The following LRRC34 variants were observed in gnomAD, a reference collection of about 807,000 sequenced individuals.
LRRC34 encodes leucine rich repeat containing 34, also known as leucine-rich repeat-containing protein 34.
LRRC34 carries 44 observed loss-of-function variants against 48.5 expected under a neutral mutation model. That is an observed-to-expected ratio of 0.91 (90% CI 0.71 to 1.17). LRRC34 has a LOEUF of 1.17. LRRC34 is among the 50% of genes most tolerant of loss of function. The probability of loss-of-function intolerance (pLI) is 0.00; values close to 1 mark genes in which losing one functional copy is unlikely to be tolerated. For synonymous variants in LRRC34, 192 were observed against 197.6 expected, an observed-to-expected ratio of 0.97 and a Z score of 0.24; for missense variants, 502 against 563.0, an observed-to-expected ratio of 0.89 and a Z score of 1.10.
Position 169,807,486 on chromosome 3 carries a change from CA to C in LRRC34, c.383del (p.Leu128TrpfsTer29), listed in dbSNP as rs1173854298. 4 of 1,613,834 alleles carry C rather than the reference CA, an allele frequency of 2.5e-6. No individual in the cohort carries two copies. In the South Asian group the frequency reaches 4.4e-5, roughly 18 times the overall value. ...CACATAGAAGGTTATATCCAACATC[CA>C]AACCTGAAGCACAGATGAATAGAAG... ...ILKNCLYING[L>X]DVGYNLLCDV... On this transcript the variant is annotated frameshift_variant, in exon 4 of 11. Transcript: ENST00000446859. LOFTEE classifies it high-confidence loss of function.
At chr3:169,811,967 G>T (rs1426611252) in intron 1 of LRRC34, among the ~76,000 whole-genome samples, 1 of 152,112 alleles carries the variant, frequency 6.6e-6, no homozygotes, top group East Asian at 1.9e-4. Flanking sequence ...CATGGGCGCA[G>T]AAATATTTAA....
chr3:169,804,820 C>G (rs1334216290), intron 5 of LRRC34, among the ~76,000 whole-genome samples: 1 of 152,152 alleles, frequency 6.6e-6, no homozygotes, highest in Admixed American at 6.5e-5. Context: ...TAACATAAAA[C>G]TGACCATTTT....
At position 169,812,416 on chromosome 3, in the gene LRRC34, G is replaced by A. The variant is rs1222019272; in HGVS notation, c.133C>T (p.Gln45Ter). The A allele has an allele frequency of 5.9e-6, 9 of 1,528,056 alleles. No individual in the cohort carries two copies. Among genetic ancestry groups the A allele is most frequent in the African/African-American group, 2.8e-5 (2 of 71,166 alleles). 94.7% of individuals were successfully genotyped at this position (1,528,056 alleles called of 1,614,324 possible). Residue 45 changes from glutamine to a stop codon, truncating the protein, a stop_gained, in exon 1 of 11, where the codon CAG becomes TAG. Coordinates refer to ENST00000446859, the MANE Select transcript of LRRC34 (RefSeq NM_001172779.2). LOFTEE classifies it high-confidence loss of function. The surrounding 1 kb of genome is among the most constrained non-coding windows in gnomAD (Gnocchi z 4.3). ...CGTGCTCCCTACTTCTTACCGCGCT[G>A]GACCGCCAGGGCCGCGCCCGGAGTA... ...ASTPGAALAV[Q>*]RESPESGLQK...
intron 8 of LRRC34, 104 bp from the exon 9 acceptor site, chr3:169,796,473 G>T (rs1246454101): frequency 3.1e-6 from 4 of 1,308,686 alleles, no homozygotes; most frequent in Non-Finnish European, 4.2e-6. Flanking sequence ...TTTAGTAAAG[G>T]TTTATTTTAA....
chr3:169,795,606 G>T lies in LRRC34; in HGVS notation c.1070C>A (p.Ser357Ter). ...TSHNRSLKALSVVSNNIEGEG... is the reference protein window; with the variant it reads ...TSHNRSLKAL ...TCCCTCTATGTTGTTGCTGACTACT[G>T]ACAACCTGAAACCAATAATTCCACA... Residue 357 changes from serine (S) to a stop codon, truncating the protein, a stop_gained, in exon 10 of 11, where the codon TCA becomes TAA. Transcript: ENST00000446859. LOFTEE classifies it high-confidence loss of function. 1 of 1,609,410 alleles carries T rather than the reference G, an allele frequency of 6.2e-7. No homozygotes were observed. Among genetic ancestry groups the T allele is most frequent in the South Asian group, 1.1e-5 (1 of 90,578 alleles).
chr3:169,812,561 C>T lies in LRRC34; in HGVS notation c.-13G>A. ...GCTGCGCTGCCATGGCGACCGCGCGCGCACTTACAGTCCGCCTGCAGCTGT... is the reference window on the plus strand; with the variant it reads ...GCTGCGCTGCCATGGCGACCGCGCGTGCACTTACAGTCCGCCTGCAGCTGT... On this transcript the variant is annotated 5_prime_UTR_variant, in exon 1 of 11. Transcript: ENST00000446859. The surrounding 1 kb of genome is among the most constrained non-coding windows in gnomAD (Gnocchi z 4.3). The T allele has an allele frequency of 6.8e-7, 1 of 1,475,236 alleles. No homozygotes were observed. Among genetic ancestry groups the T allele is most frequent in the South Asian group, 1.3e-5 (1 of 74,364 alleles). The allele number at this position is 1,475,236 out of a possible 1,614,324, so 91.4% of individuals were successfully genotyped here. A position where few individuals can be genotyped will look rare whatever the true frequency, so the allele number is the denominator to read the frequency against.
chr3:169,809,218 T>TTTC (rs1178911208), intron 1 of LRRC34, among the ~76,000 whole-genome samples: 2 of 150,274 alleles, frequency 1.3e-5, no homozygotes, highest in Admixed American at 1.3e-4. Context: ...TTTTTTTTTT[T>TTTC]TCAACTCAGT....
rs529768190 is a variant in LRRC34, at chr3:169,795,785, G to C, written c.1065-174C>G. 1.5e-5 allele frequency: 19 copies of C among 1,304,706 alleles called. No individual in the cohort carries two copies. The African/African-American group carries it at 2.5e-4, about 17-fold the overall frequency. 80.8% of individuals were successfully genotyped at this position (1,304,706 alleles called of 1,614,324 possible). A position where few individuals can be genotyped will look rare whatever the true frequency, so the allele number is the denominator to read the frequency against. ...TTAGTTTTCTAATTAGATCCTTAAG[G>C]TACTTAGTAGAGCTAACTACATTTT... On this transcript the variant is annotated intron_variant, in intron 9 of 10. Coordinates refer to ENST00000446859, the MANE Select transcript of LRRC34 (RefSeq NM_001172779.2).
Position 169,800,672 on chromosome 3 carries a change from A to G in LRRC34, c.740T>C (p.Leu247Pro), listed in dbSNP as rs920803488. ...TTGAATACATACCTGTTCACTGTAC[A>G]GTATAGGTCGGTTTAGGTTTATTGC... is the stretch of plus-strand genomic sequence containing the variant. ...IKAINLNRPI[L>P]YSEQEESTVH... The change falls in exon 7 of 11, where the codon CTG becomes CCG. Residue 247 changes from leucine (L) to proline (P), a missense_variant. Transcript: ENST00000446859. The G allele has an allele frequency of 6.5e-7, 1 of 1,531,064 alleles. No homozygotes were observed. Among genetic ancestry groups the G allele is most frequent in the African/African-American group, 1.4e-5 (1 of 73,078 alleles). 94.8% of individuals were successfully genotyped at this position (1,531,064 alleles called of 1,614,324 possible).
Position 169,812,411 on chromosome 3 carries a change from G to A in LRRC34, c.138C>T (p.Arg46=). ...STPGAALAVQ[R]ESPESGLQKH... is the part of the protein sequence containing the mutation. ...GCAGACGTGCTCCCTACTTCTTACC[G>A]CGCTGGACCGCCAGGGCCGCGCCCG... Residue 46 remains arginine (R), a splice_region_variant and synonymous_variant, in exon 1 of 11, where the codon CGC becomes CGT. Coordinates refer to ENST00000446859, the MANE Select transcript of LRRC34 (RefSeq NM_001172779.2). The surrounding 1 kb of genome is among the most constrained non-coding windows in gnomAD (Gnocchi z 4.3). 1 of 1,527,454 alleles carries A rather than the reference G, an allele frequency of 6.5e-7. No homozygotes were observed. The highest frequency in any genetic ancestry group is 8.7e-7 in the Non-Finnish European group (1 of 1,144,008). 94.6% of individuals were successfully genotyped at this position (1,527,454 alleles called of 1,614,324 possible).
chr3:169,805,612 A>T (rs1169375992), intron 5 of LRRC34, among the ~76,000 whole-genome samples: 2 of 151,920 alleles, frequency 1.3e-5, no homozygotes, highest in African/African-American at 4.8e-5. Context: ...TGGCCGGGTG[A>T]AGTGGCTCAT....
At chr3:169,796,942 G>C in intron 7 of LRRC34, 43 bp from the exon 8 acceptor site, 2 of 1,410,484 alleles carry the variant, frequency 1.4e-6, no homozygotes, top group Non-Finnish European at 1.9e-6. Flanking sequence ...TAATTTTGAA[G>C]TAGTACATGT....
chr3:169,796,548 A>G (rs1213859531), intron 8 of LRRC34, 179 bp from the exon 9 acceptor site: 1 of 918,582 alleles, frequency 1.1e-6, no homozygotes, highest in Non-Finnish European at 1.6e-6. Context: ...TCTTGTTTAC[A>G]CAACTAAATT....
At chr3:169,796,034 AT>A in intron 9 of LRRC34, 179 bp downstream of exon 9, 4 of 1,290,280 alleles carry the variant, frequency 3.1e-6, no homozygotes, top group Non-Finnish European at 3.9e-6. Context: ...AATCAGTCTA[AT>A]TGTAAAAGAC....
In LRRC34 at chr3:169,804,103, G is replaced by C; in HGVS notation, c.607C>G (p.Leu203Val). ...NKGGMFFAAM[L>V]QINSSLEKLD... is the part of the protein sequence containing the mutation. The stretch of plus-strand genomic sequence containing the variant: ...TTCTCTAATGATGAATTAATTTGCA[G>C]CATTGCAGCAAAAAACATTCCACCT... Residue 203 changes from leucine (L) to valine (V), a missense_variant, in exon 6 of 11, where the codon CTG (leucine) becomes GTG (valine). Physicochemically the swap from Leu to Val is conservative, Grantham distance 32. Coordinates refer to ENST00000446859, the MANE Select transcript of LRRC34 (RefSeq NM_001172779.2). 6.2e-7 allele frequency: 1 copy of C among 1,604,674 alleles called. No individual in the cohort carries two copies. The highest frequency in any genetic ancestry group is 8.5e-7 in the Non-Finnish European group (1 of 1,175,104).
chr3:169,797,734 A>G (rs1160352723), intron 7 of LRRC34, among the ~76,000 whole-genome samples: 1 of 152,226 alleles, frequency 6.6e-6, no homozygotes, highest in Non-Finnish European at 1.5e-5. Context: ...ACTTTAAATG[A>G]AACCACATAG....
In LRRC34 at chr3:169,796,226, C is replaced by G. The variant is rs1778982133; in HGVS notation, c.1052G>C (p.Arg351Thr). ...AAACCATACTAACGCTTTAAGACTC[C>G]TGTTGTGTGAAGTAAGAGTTTCACT... ...YLSETLTSHN[R>T]SLKALSVVSN... Residue 351 changes from arginine to threonine, a missense_variant, in exon 9 of 11, where the codon AGG becomes ACG. Physicochemically the swap from Arg to Thr is moderately conservative, Grantham distance 71. Coordinates refer to ENST00000446859, the MANE Select transcript of LRRC34 (RefSeq NM_001172779.2). 1.2e-6 allele frequency: 2 copies of G among 1,606,656 alleles called. No homozygotes were observed. Among genetic ancestry groups the G allele is most frequent in the African/African-American group, 2.7e-5 (2 of 74,382 alleles).
chr3:169,795,443 C>T (rs1253683369), intron 10 of LRRC34, 42 bp downstream of exon 10: 9 of 1,563,098 alleles, frequency 5.8e-6, no homozygotes, highest in Non-Finnish European at 7.0e-6. Flanking sequence ...CAGAGATGAT[C>T]CCAGAAAAAG....
In LRRC34 at chr3:169,796,197, T is replaced by TCAAATAATCAAATAATCAA. The variant is rs764788808; in HGVS notation, c.1064+16_1064+17insTTGATTATTTGATTATTTG. ...TTGCTTTTCTGTTATTTTGATTAAA[T>TCAAATAATCAAATAATCAA]ATAAAACCATACTAACGCTTTAAGA... On this transcript the variant is annotated intron_variant, in intron 9 of 10. Coordinates refer to ENST00000446859, the MANE Select transcript of LRRC34 (RefSeq NM_001172779.2). 55 of 1,580,644 alleles carry TCAAATAATCAAATAATCAA rather than the reference T, an allele frequency of 3.5e-5. No homozygotes were observed. The East Asian group carries it at 8.5e-4, about 24-fold the overall frequency.
Sources: allele counts gnomAD v4.1 joint callset (sites outside exome capture counted in the v4.1 genomes callset), GRCh38; gene constraint gnomAD v4.1.1; non-coding constraint Gnocchi (gnomAD v3.1); transcripts MANE v1.5; gene names NCBI Gene and HGNC (gene_info 2026-07-23, HGNC 2026-07-21).